The following GRM7 variants were observed in gnomAD, a reference collection of about 807,000 sequenced individuals.
GRM7 encodes the protein glutamate metabotropic receptor 7.
A neutral mutation model predicts 84.5 loss-of-function variants in GRM7; 35 were observed. The observed-to-expected ratio is 0.41, with a 90% confidence interval of 0.32 to 0.55. The LOEUF is 0.55. GRM7 is among the 20% of genes least tolerant of loss of function. The probability of loss-of-function intolerance (pLI) is 0.19; values close to 1 mark genes in which losing one functional copy is unlikely to be tolerated. For missense variants in GRM7, 1,003 were observed against 1,194.6 expected, an observed-to-expected ratio of 0.84 and a Z score of 2.36; for synonymous variants, 487 against 455.1, an observed-to-expected ratio of 1.07 and a Z score of -0.89.
chr3:7,046,117 C>T (rs1389901120), intron 1 of GRM7, among the ~76,000 whole-genome samples: 3 of 152,038 alleles, frequency 2.0e-5, no homozygotes, highest in Non-Finnish European at 2.9e-5. Context: ...CCCTGATAAT[C>T]GATGATATTG....
intron 1 of GRM7, among the ~76,000 whole-genome samples, chr3:6,960,227 C>T (rs1693239056): frequency 6.6e-6 from 1 of 152,166 alleles, no homozygotes; most frequent in South Asian, 2.1e-4. Flanking sequence ...CGACCTCTTT[C>T]CAGTGTGCCT....
chr3:7,347,918 T>C (rs1350207345), intron 4 of GRM7, among the ~76,000 whole-genome samples: 1 of 152,190 alleles, frequency 6.6e-6, no homozygotes, highest in East Asian at 1.9e-4. Flanking sequence ...CTAATAGTTA[T>C]TGTGAGTTTA....
In GRM7 at chr3:7,531,126, G is replaced by A. The variant is rs553662924; in HGVS notation, c.1516-47296G>A. On this transcript the variant is annotated intron_variant, in intron 7 of 9. Coordinates refer to ENST00000357716, the MANE Select transcript of GRM7 (RefSeq NM_000844.4). ...AATCTTGAGTTAATTTTTGTATAAG[G>A]TGTAAGGAAGAGGTCCAGTTTCAGT... Among the ~76,000 whole-genome samples, 22 of 152,200 alleles carry A rather than the reference G, an allele frequency of 1.4e-4. 1 individual carries two copies. Among genetic ancestry groups the A allele is most frequent in the African/African-American group, 4.6e-4 (19 of 41,524 alleles).
intron 6 of GRM7, among the ~76,000 whole-genome samples, chr3:7,455,170 T>C (rs1697953014): frequency 6.6e-6 from 1 of 152,148 alleles, no homozygotes; most frequent in East Asian, 1.9e-4. Flanking sequence ...TCCATACTGA[T>C]ATCAGTAAAC....
intron 1 of GRM7, among the ~76,000 whole-genome samples, chr3:7,040,970 C>G (rs545519890): frequency 6.6e-6 from 1 of 151,574 alleles, no homozygotes; most frequent in Non-Finnish European, 1.5e-5. Context: ...GTAGTCCCAG[C>G]TACTCAAGAG....
intron 1 of GRM7, chr3:6,956,668 C>T (rs1312880005): frequency 4.4e-6 from 2 of 455,368 alleles, no homozygotes; most frequent in African/African-American, 4.0e-5. Flanking sequence ...CTCAGTACTG[C>T]TCACATGAAT....
chr3:7,068,827 C>T (rs1697761565), intron 1 of GRM7, among the ~76,000 whole-genome samples: 1 of 151,792 alleles, frequency 6.6e-6, no homozygotes, highest in Non-Finnish European at 1.5e-5. Flanking sequence ...TCAAAAAAAC[C>T]CCTGATATAT....
rs912145253 is a variant in GRM7, at chr3:7,645,380, C to A, written c.2452-34669C>A. Among the ~76,000 whole-genome samples, 3 of 151,602 alleles carry A rather than the reference C, an allele frequency of 2.0e-5. No homozygotes were observed. In the East Asian group the frequency reaches 5.9e-4, roughly 30 times the overall value. ...TGGCCAACATGGTGAAACCCCGTCACTACTAAAAATACAAAAATTAGCTGG... is the reference window on the plus strand; with the variant it reads ...TGGCCAACATGGTGAAACCCCGTCAATACTAAAAATACAAAAATTAGCTGG... On this transcript the variant is annotated intron_variant, in intron 8 of 9. Transcript: ENST00000357716.
intron 2 of GRM7, among the ~76,000 whole-genome samples, chr3:7,155,746 C>A (rs1030715999): frequency 2.0e-5 from 3 of 152,066 alleles, no homozygotes; most frequent in Non-Finnish European, 4.4e-5. Context: ...CAAAGCTCCA[C>A]ATTAATTGCA....
At chr3:7,479,185 C>G (rs1311030789) in intron 7 of GRM7, among the ~76,000 whole-genome samples, 1 of 151,682 alleles carries the variant, frequency 6.6e-6, no homozygotes, top group Non-Finnish European at 1.5e-5. Context: ...GGAAAGAGGC[C>G]AGGACAGAGC....
At chr3:7,120,327 C>T (rs1433693814) in intron 1 of GRM7, among the ~76,000 whole-genome samples, 1 of 152,046 alleles carries the variant, frequency 6.6e-6, no homozygotes, top group African/African-American at 2.4e-5. Flanking sequence ...TTGTGAAACT[C>T]TACCTTAATT....
chr3:7,638,107 A>G (rs1241065727), intron 8 of GRM7, among the ~76,000 whole-genome samples: 4 of 152,200 alleles, frequency 2.6e-5, no homozygotes, highest in Non-Finnish European at 4.4e-5. Flanking sequence ...ACAATTATCT[A>G]CTTCTTCTTC....
intron 1 of GRM7, among the ~76,000 whole-genome samples, chr3:7,075,414 C>A (rs1698030200): frequency 6.6e-6 from 1 of 152,006 alleles, no homozygotes; most frequent in Non-Finnish European, 1.5e-5. Flanking sequence ...ACCTCCCAGG[C>A]CTCTTCACTG....
chr3:7,057,389 T>G (rs1013850954), intron 1 of GRM7, among the ~76,000 whole-genome samples: 3 of 151,938 alleles, frequency 2.0e-5, no homozygotes, highest in Non-Finnish European at 2.9e-5. Context: ...AATGCAATGG[T>G]TATCTCTAGG....
At chr3:7,438,509 GTTTC>G (rs1313449240) in intron 5 of GRM7, among the ~76,000 whole-genome samples, 2 of 152,002 alleles carry the variant, frequency 1.3e-5, no homozygotes. Context: ...TGCCAGAAGA[GTTTC>G]TTAAGGCAGT....
At chr3:7,536,500 T>C (rs1317011199) in intron 7 of GRM7, among the ~76,000 whole-genome samples, 2 of 152,198 alleles carry the variant, frequency 1.3e-5, no homozygotes, top group African/African-American at 2.4e-5. Context: ...ATATTTGGTA[T>C]TTATGCCCTT....
In GRM7 at chr3:7,737,131, A is replaced by G. The variant is rs59837363; in HGVS notation, c.2699-3226A>G. On this transcript the variant is annotated intron_variant, in intron 9 of 9. Transcript: ENST00000357716. Reference sequence around the variant, plus strand: ...AGACAAAAAAGCTCAGAGAAAAGCAAAGATAAAGTAAGAAGCTCAATAAAG... The same window carrying G: ...AGACAAAAAAGCTCAGAGAAAAGCAGAGATAAAGTAAGAAGCTCAATAAAG... Among the ~76,000 whole-genome samples, 157 of 152,324 alleles carry G rather than the reference A, an allele frequency of 1.0e-3. 2 individuals are homozygous for G. In the East Asian group the frequency reaches 0.028, roughly 27 times the overall value.
At chr3:7,693,704 T>C in intron 9 of GRM7, 4 of 1,485,276 alleles carry the variant, frequency 2.7e-6, no homozygotes, top group Non-Finnish European at 2.7e-6. Flanking sequence ...CAAGTATCTG[T>C]CCTTCTAAGT....
chr3:7,621,976 T>A (rs1697382061), intron 8 of GRM7, among the ~76,000 whole-genome samples: 1 of 152,136 alleles, frequency 6.6e-6, no homozygotes, highest in Non-Finnish European at 1.5e-5. Flanking sequence ...GAACAACAAC[T>A]CTATCCTCAT....
Sources: gnomAD v4.1 joint callset for allele counts (sites outside exome capture counted in the v4.1 genomes callset) on GRCh38, gnomAD v4.1.1 for gene constraint, MANE v1.5 for transcripts, NCBI Gene and HGNC (gene_info 2026-07-23, HGNC 2026-07-21) for gene names.